Variants in RDH13 observed in about 807,000 individuals in gnomAD.
RDH13 encodes retinol dehydrogenase 13.
Under a neutral mutation model 28.3 loss-of-function variants are expected in RDH13, and 35 were observed. The observed-to-expected ratio is 1.24, with a 90% CI of 0.95 to 1.64. The LOEUF is 1.64. Ranked by LOEUF, RDH13 falls within the 40% of genes most tolerant of loss-of-function variation. The probability of loss-of-function intolerance (pLI) is 0.00; values close to 1 mark genes in which losing one functional copy is unlikely to be tolerated. For missense variants in RDH13, 514 were observed against 446.3 expected (o/e 1.15, Z -1.37); for synonymous variants, 229 against 198.5 (o/e 1.15, Z -1.29).
intron 5 of RDH13, 196 bp downstream of exon 5, chr19:55,048,133 A>T (rs958105925): frequency 3.2e-5 from 49 of 1,532,182 alleles, no homozygotes; most frequent in Non-Finnish European, 3.8e-5. Context: ...TGGGATGAAC[A>T]GACAATCCTC....
rs1258369482 is a variant in RDH13 at position 55,063,084 on chromosome 19, C to A, written c.-52G>T. The A allele has an allele frequency of 3.9e-6, 5 of 1,288,290 alleles. No individual in the cohort carries two copies. Among genetic ancestry groups the A allele is most frequent in the Non-Finnish European group, 5.0e-6 (5 of 1,007,422 alleles). 79.8% of individuals were successfully genotyped at this position (1,288,290 alleles called of 1,614,324 possible). ...TCAGGGGTCGGCGCGGAGCTTGCTG[C>A]ACACCAGCCGCCTGGGTAGCTCCGA... On this transcript the variant is annotated 5_prime_UTR_variant, in exon 1 of 7. Coordinates refer to ENST00000415061, the MANE Select transcript of RDH13 (RefSeq NM_001145971.2).
At chr19:55,052,713 G>C (rs1260054798) in intron 3 of RDH13, among the ~76,000 whole-genome samples, 1 of 149,878 alleles carries the variant, frequency 6.7e-6, no homozygotes, top group Non-Finnish European at 1.5e-5. Context: ...CCAGGCTGGA[G>C]TGCAGTGGCG....
In RDH13 at chr19:55,045,005, C is replaced by G. The variant is rs898770802; in HGVS notation, c.*69G>C. On this transcript the variant is annotated 3_prime_UTR_variant, in exon 7 of 7. Coordinates refer to ENST00000415061, the MANE Select transcript of RDH13 (RefSeq NM_001145971.2). ...TCCCGGCTCAGGTAGTGCCAGGAAG[C>G]TGCGGGCATGGCGGACAGCTGTCCT... 4 of 1,190,780 alleles carry G rather than the reference C, an allele frequency of 3.4e-6. No individual in the cohort carries two copies. Among genetic ancestry groups the G allele is most frequent in the Non-Finnish European group, 4.8e-6 (4 of 838,544 alleles). The allele number at this position is 1,190,780 out of a possible 1,614,324, so 73.8% of individuals were successfully genotyped here.
Position 55,048,735 on chromosome 19 carries a change from G to C in RDH13, c.369C>G (p.Asn123Lys), listed in dbSNP as rs1182073331. 11 of 1,613,944 alleles carry C rather than the reference G, an allele frequency of 6.8e-6. No individual in the cohort carries two copies. The East Asian group carries it at 8.9e-5, about 13-fold the overall frequency. The change falls in exon 4 of 7, where the codon AAC (asparagine) becomes AAG (lysine). Residue 123 changes from asparagine to lysine, a missense_variant. Physicochemically the swap from Asn to Lys is moderately conservative, Grantham distance 94 (BLOSUM62 0). Transcript: ENST00000415061. Reference sequence around the variant, plus strand: ...GGGGGCACCGCATCACACCCGCGTTGTTGATTAGAATGTCCACTCGCTCCT... The same window carrying C: ...GGGGGCACCGCATCACACCCGCGTTCTTGATTAGAATGTCCACTCGCTCCT... ...EEEERVDILI[N>K]NAGVMRCPHW...
chr19:55,061,039 C>T (rs1404927639), intron 1 of RDH13, among the ~76,000 whole-genome samples: 1 of 152,116 alleles, frequency 6.6e-6, no homozygotes, highest in Non-Finnish European at 1.5e-5. Context: ...ACTTCCAGCT[C>T]CTACAGACCG....
rs752542706 is a variant in RDH13 at position 55,048,423 on chromosome 19, G to GTTCAAGTCGTCAAAGTCTA, written c.545_563dup (p.Trp189ArgfsTer3). ...TGGTGTTATACTTCCTCGTCTGCCA[G>GTTCAAGTCGTCAAAGTCTA]TTCAAGTCGTCAAAGTCTATGTGCC... On this transcript the variant is annotated stop_gained and frameshift_variant, in exon 5 of 7. Coordinates refer to ENST00000415061, the MANE Select transcript of RDH13 (RefSeq NM_001145971.2). LOFTEE classifies it high-confidence loss of function. 2.5e-6 allele frequency: 4 copies of GTTCAAGTCGTCAAAGTCTA among 1,614,218 alleles called. No homozygotes were observed. In the East Asian group the frequency reaches 6.7e-5, roughly 27 times the overall value.
chr19:55,066,516 ATC>A (rs200084580), upstream of RDH13, among the ~76,000 whole-genome samples: 810 of 102,408 alleles, frequency 7.9e-3, 8 homozygotes, highest in African/African-American at 0.022. Flanking sequence ...TCTCTCTCAC[ATC>A]TCTCTTTCCC....
chr19:55,057,405 G>A (rs950464081), intron 2 of RDH13, among the ~76,000 whole-genome samples: 10 of 150,792 alleles, frequency 6.6e-5, no homozygotes, highest in African/African-American at 2.4e-4. Flanking sequence ...CACTTTGGGA[G>A]GCCAAGGCAA....
At position 55,044,373 on chromosome 19, in the gene RDH13, G is replaced by A. The variant is rs956317781; in HGVS notation, c.*701C>T. Reference sequence around the variant, plus strand: ...AGCAAGTTTGAGAGTCTGCAGTTTGGACTACCATGAGAATTGATAGGAAGG... The same window carrying A: ...AGCAAGTTTGAGAGTCTGCAGTTTGAACTACCATGAGAATTGATAGGAAGG... On this transcript the variant is annotated 3_prime_UTR_variant, in exon 7 of 7. Coordinates refer to ENST00000415061, the MANE Select transcript of RDH13 (RefSeq NM_001145971.2). 6.6e-6 allele frequency: 1 copy of A among 151,776 alleles called. No homozygotes were observed. Among genetic ancestry groups the A allele is most frequent in the Non-Finnish European group, 1.5e-5 (1 of 67,994 alleles). 9.4% of individuals were successfully genotyped at this position (151,776 alleles called of 1,614,324 possible).
upstream of RDH13, chr19:55,063,658 G>A (rs2147082556): frequency 6.5e-6 from 1 of 153,242 alleles, no homozygotes; most frequent in East Asian, 1.9e-4. Context: ...AGGGAGGAGG[G>A]GCTGGGAGCA....
At chr19:55,053,594 T>A (rs1193866079) in intron 3 of RDH13, among the ~76,000 whole-genome samples, 3 of 151,184 alleles carry the variant, frequency 2.0e-5, no homozygotes. Flanking sequence ...GAGGCGGAGC[T>A]TGGAGTGAGC....
chr19:55,064,716 G>T (rs1034230210), upstream of RDH13, among the ~76,000 whole-genome samples: 1 of 149,282 alleles, frequency 6.7e-6, no homozygotes, highest in African/African-American at 2.5e-5. Context: ...AGGTTCAAGC[G>T]ATTCTCCTGC....
Position 55,063,125 on chromosome 19 carries a change from G to A in RDH13, c.-93C>T, listed in dbSNP as rs1320460835. ...GTAGCTCCGAGGAAGAGCGCGCGAC[G>A]CAGCCACAGGCGAGCGGAGGCGCAG... On this transcript the variant is annotated 5_prime_UTR_variant, in exon 1 of 7. Coordinates refer to ENST00000415061, the MANE Select transcript of RDH13 (RefSeq NM_001145971.2). 98 of 1,151,356 alleles carry A rather than the reference G, an allele frequency of 8.5e-5. No homozygotes were observed. Among genetic ancestry groups the A allele is most frequent in the Non-Finnish European group, 1.1e-4 (95 of 895,866 alleles). 71.3% of individuals were successfully genotyped at this position (1,151,356 alleles called of 1,614,324 possible).
intron 1 of RDH13, among the ~76,000 whole-genome samples, chr19:55,062,148 T>G (rs945281395): frequency 6.0e-5 from 9 of 150,886 alleles, no homozygotes; most frequent in African/African-American, 2.2e-4. Flanking sequence ...ACTTAACACA[T>G]CAGCGAGAAC....
rs749721107 is a variant in RDH13 at position 55,056,626 on chromosome 19, C to CA, written c.340+26dup. The CA allele has an allele frequency of 2.5e-6, 4 of 1,612,742 alleles. No homozygotes were observed. In the South Asian group the frequency reaches 4.4e-5, roughly 18 times the overall value. ...CCTGGGAGCCGCCTATCCCAGTCCT[C>CA]ATCCCACATGGCCAGCGTTCTCCTA... On this transcript the variant is annotated intron_variant, in intron 3 of 6. Transcript: ENST00000415061.
chr19:55,059,525 G>A (rs904482625), intron 1 of RDH13, among the ~76,000 whole-genome samples: 5 of 151,322 alleles, frequency 3.3e-5, no homozygotes, highest in East Asian at 2.0e-4. Context: ...TGAGATTCCC[G>A]GCCAGGTGAG....
rs1385442305 is a variant in RDH13 at position 55,049,085 on chromosome 19, T to G, written c.341-322A>C. Among the ~76,000 whole-genome samples, 7 of 152,122 alleles carry G rather than the reference T, an allele frequency of 4.6e-5. No individual in the cohort carries two copies. In the South Asian group the frequency reaches 1.5e-3, roughly 32 times the overall value. On this transcript the variant is annotated intron_variant, in intron 3 of 6. Transcript: ENST00000415061. ...GAAGTGGAAGAGGCTGGGAGGATTA[T>G]GGCCCGTCTCACAGGTCACAGCCAC...
intron 1 of RDH13, 67 bp downstream of exon 1, chr19:55,062,901 G>A (rs2075849694): frequency 2.3e-6 from 3 of 1,302,108 alleles, no homozygotes; most frequent in Non-Finnish European, 1.0e-6. Flanking sequence ...GGGGGTCTCC[G>A]CCGCCTTCCC....
chr19:55,064,638 C>CG (rs1555832936), upstream of RDH13, among the ~76,000 whole-genome samples: 1 of 151,122 alleles, frequency 6.6e-6, no homozygotes, highest in Non-Finnish European at 1.5e-5. Flanking sequence ...TTTTGAGAGA[C>CG]AGTCTCACTG....
Sources: gnomAD v4.1 joint callset for allele counts (sites outside exome capture counted in the v4.1 genomes callset) on GRCh38, gnomAD v4.1.1 for gene constraint, MANE v1.5 for transcripts, NCBI Gene and HGNC (gene_info 2026-07-23, HGNC 2026-07-21) for gene names.